The following PTPRS variants were observed in gnomAD, a reference collection of about 807,000 sequenced individuals.
PTPRS encodes receptor-type tyrosine-protein phosphatase S.
Under a neutral mutation model 215.3 loss-of-function variants are expected in PTPRS, and 63 were observed. The observed-to-expected ratio is 0.29, with a 90% CI of 0.24 to 0.36. PTPRS has a LOEUF of 0.36. PTPRS is among the 10% of genes least tolerant of loss of function. The probability of loss-of-function intolerance (pLI) is 1.00; values close to 1 mark genes in which losing one functional copy is unlikely to be tolerated. For synonymous variants in PTPRS, 1,404 were observed against 1,191.4 expected, an observed-to-expected ratio of 1.18 and a Z score of -3.68; for missense variants, 2,258 against 2,825.8, an observed-to-expected ratio of 0.80 and a Z score of 4.56.
intron 6 of PTPRS, among the ~76,000 whole-genome samples, chr19:5,262,136 G>A (rs1216060285): frequency 2.6e-5 from 4 of 152,150 alleles, no homozygotes; most frequent in Admixed American, 6.5e-5. Flanking sequence ...TTAGCCGGGT[G>A]TGGTGGTGGG....
At chr19:5,316,883 T>C (rs896945408) in intron 1 of PTPRS, among the ~76,000 whole-genome samples, 8 of 152,196 alleles carry the variant, frequency 5.3e-5, no homozygotes, top group African/African-American at 1.7e-4. Context: ...CACATAGCAC[T>C]GTTGCTTGCA....
At position 5,220,024 on chromosome 19, in the gene PTPRS, T is replaced by C. The variant is rs757700265; in HGVS notation, c.3680A>G (p.Gln1227Arg). The C allele has an allele frequency of 6.2e-6, 10 of 1,613,960 alleles. No homozygotes were observed. The highest frequency in any genetic ancestry group is 4.5e-5 in the East Asian group (2 of 44,888). The change falls in exon 22 of 38, where the codon CAG (glutamine) becomes CGG (arginine). Residue 1227 changes from glutamine (Q) to arginine (R), a missense_variant. By Grantham distance (43) the Gln-to-Arg change is conservative (BLOSUM62 1). Transcript: ENST00000262963. ...PPTFHPGDQKQYGGFDNRGLE... is the reference protein window; with the variant it reads ...PPTFHPGDQKRYGGFDNRGLE... ...GCCCCGGTTATCGAAGCCGCCATAC[T>C]GCTTCTGGTCGCCGGGATGGAACGT...
intron 1 of PTPRS, among the ~76,000 whole-genome samples, chr19:5,336,820 G>A (rs2050518822): frequency 6.6e-6 from 1 of 151,978 alleles, no homozygotes. Flanking sequence ...GGGGGGGAGG[G>A]TCTCTCTTCA....
intron 9 of PTPRS, among the ~76,000 whole-genome samples, chr19:5,249,865 G>A (rs953761608): frequency 5.9e-5 from 9 of 152,200 alleles, no homozygotes; most frequent in Non-Finnish European, 1.3e-4. Flanking sequence ...TATCTATTCT[G>A]TAAGGGTCAA....
chr19:5,243,840 A>T, intron 11 of PTPRS, 61 bp downstream of exon 11: 1 of 1,295,716 alleles, frequency 7.7e-7, no homozygotes, highest in African/African-American at 1.5e-5. Flanking sequence ...GCTTCCAGGG[A>T]GCATGCAAAG....
chr19:5,273,980 C>T (rs1439761926), intron 3 of PTPRS, among the ~76,000 whole-genome samples: 1 of 152,206 alleles, frequency 6.6e-6, no homozygotes, highest in Non-Finnish European at 1.5e-5. Context: ...GAAGAAGACT[C>T]AGAGAGGGCA....
intron 17 of PTPRS, 38 bp from the exon 18 acceptor site, chr19:5,223,335 C>T (rs751560820): frequency 7.0e-7 from 1 of 1,425,798 alleles, no homozygotes; most frequent in Admixed American, 2.9e-5. Context: ...GTCCCAGCGC[C>T]ATCCGCCAGC....
At chr19:5,310,705 TTTC>T (rs956207038) in intron 1 of PTPRS, among the ~76,000 whole-genome samples, 24 of 151,492 alleles carry the variant, frequency 1.6e-4, no homozygotes, top group African/African-American at 5.6e-4. Context: ...TTTTTGGGTG[TTTC>T]TTGTTTTTGT....
rs530066486 is a variant in PTPRS, at chr19:5,303,232, G to T, written c.-94-16998C>A. 5.3e-5 allele frequency among the ~76,000 whole-genome samples: 8 copies of T among 152,280 alleles called. No individual in the cohort carries two copies. In the South Asian group the frequency reaches 1.0e-3, roughly 20 times the overall value. ...CCCATCTAAGCACCAGGGAAAATGG[G>T]CTCTTGGTGCCCGGGGCTGATTTTT... On this transcript the variant is annotated intron_variant, in intron 1 of 37. Transcript: ENST00000262963.
In PTPRS at chr19:5,322,879, CA is replaced by C. The variant is rs60988670; in HGVS notation, c.-95+17784del. 8.4e-3 allele frequency among the ~76,000 whole-genome samples: 555 copies of C among 65,934 alleles called. 1 individual carries two copies. The highest frequency in any genetic ancestry group is 0.02 in the Middle Eastern group (2 of 98). 43.3% of individuals were successfully genotyped at this position (65,934 alleles called of 152,430 possible). On this transcript the variant is annotated intron_variant, in intron 1 of 37. Coordinates refer to ENST00000262963, the MANE Select transcript of PTPRS (RefSeq NM_002850.4). ...GGGCAACAAGAGCAAAACTCCGTCT[CA>C]AAAAAAAAAAAAAAAAAAAAGAAGA...
intron 4 of PTPRS, among the ~76,000 whole-genome samples, chr19:5,272,824 G>C (rs2047037933): frequency 6.6e-6 from 1 of 151,956 alleles, no homozygotes; most frequent in Non-Finnish European, 1.5e-5. Context: ...CAAAGTGCTG[G>C]GATTGCAGGT....
intron 9 of PTPRS, among the ~76,000 whole-genome samples, chr19:5,251,862 G>A (rs566013361): frequency 6.6e-6 from 1 of 152,106 alleles, no homozygotes; most frequent in Non-Finnish European, 1.5e-5. Context: ...GCGTGGCCAG[G>A]TATAGTAAGC....
At chr19:5,247,983 G>A (rs942750173) in intron 9 of PTPRS, among the ~76,000 whole-genome samples, 1 of 149,488 alleles carries the variant, frequency 6.7e-6, no homozygotes, top group Non-Finnish European at 1.5e-5. Context: ...GGCATGGGGA[G>A]ACAGAAGGGC....
chr19:5,219,503 A>C (rs923094133), intron 22 of PTPRS, 36 bp from the exon 23 acceptor site: 5 of 1,530,198 alleles, frequency 3.3e-6, no homozygotes, highest in Admixed American at 4.1e-5. Context: ...ATCAGTGTCC[A>C]CCCTCCTTGT....
chr19:5,207,885 G>A (rs373622724), intron 37 of PTPRS, 37 bp downstream of exon 37: 232 of 1,606,546 alleles, frequency 1.4e-4, no homozygotes, highest in Non-Finnish European at 1.7e-4. Flanking sequence ...GTCGGGGCGT[G>A]AGGCCAGGCT....
At chr19:5,310,709 T>C (rs2049673366) in intron 1 of PTPRS, among the ~76,000 whole-genome samples, 1 of 151,706 alleles carries the variant, frequency 6.6e-6, no homozygotes, top group African/African-American at 2.4e-5. Flanking sequence ...TGGGTGTTTC[T>C]TGTTTTTGTT....
intron 7 of PTPRS, among the ~76,000 whole-genome samples, chr19:5,260,579 G>A (rs1219348851): frequency 6.6e-6 from 1 of 152,170 alleles, no homozygotes. Flanking sequence ...GAGCGCCCCC[G>A]CCTTCCACAG....
At chr19:5,305,875 G>C (rs1480824252) in intron 1 of PTPRS, among the ~76,000 whole-genome samples, 3 of 132,434 alleles carry the variant, frequency 2.3e-5, no homozygotes, top group African/African-American at 8.7e-5. Context: ...GGAAGGCGGA[G>C]GTTGCAGTAA....
At chr19:5,242,847 A>G (rs1430625481) in intron 11 of PTPRS, among the ~76,000 whole-genome samples, 2 of 152,132 alleles carry the variant, frequency 1.3e-5, no homozygotes, top group Admixed American at 6.5e-5. Context: ...GGTGTGCACC[A>G]TCACGCCTAG....
Sources: allele counts gnomAD v4.1 joint callset (sites outside exome capture counted in the v4.1 genomes callset), GRCh38; gene constraint gnomAD v4.1.1; transcripts MANE v1.5; gene names NCBI Gene and HGNC (gene_info 2026-07-23, HGNC 2026-07-21).